The following XDH variants were observed in gnomAD, a reference collection of about 807,000 sequenced individuals.
The protein encoded by XDH is xanthine dehydrogenase.
Under a neutral mutation model 156.1 loss-of-function variants are expected in XDH, and 138 were observed. The observed-to-expected ratio is 0.88, with a 90% CI of 0.77 to 1.02. The LOEUF (loss-of-function observed/expected upper bound fraction) is 1.02. Ranked by LOEUF, XDH falls within the 50% of genes least tolerant of loss-of-function variation. XDH has a pLI of 0.00. For missense variants in XDH, 1,849 were observed against 1,684.9 expected (o/e 1.10, Z -1.71); for synonymous variants, 669 against 625.7 (o/e 1.07, Z -1.03).
In XDH at chr2:31,386,573, C is replaced by G; in HGVS notation, c.652-18G>C. The G allele has an allele frequency of 6.2e-7, 1 of 1,614,086 alleles. No homozygotes were observed. The highest frequency in any genetic ancestry group is 8.5e-7 in the Non-Finnish European group (1 of 1,180,018). On this transcript the variant is annotated intron_variant, in intron 8 of 35. Coordinates refer to ENST00000379416, the MANE Select transcript of XDH (RefSeq NM_000379.4). ...TTCAGCCTCTGGGAAATGCAGTTTT[C>G]TTACTACACTGTCTCCCTCTTCCTA...
At position 31,381,624 on chromosome 2, in the gene XDH, G is replaced by T; in HGVS notation, c.1132+9C>A. 1.2e-6 allele frequency: 2 copies of T among 1,613,904 alleles called. No individual in the cohort carries two copies. Among genetic ancestry groups the T allele is most frequent in the South Asian group, 2.2e-5 (2 of 91,006 alleles). On this transcript the variant is annotated intron_variant, in intron 12 of 35. Transcript: ENST00000379416. ...CCTTCTTCCTGGACCTCTGCTTCAG[G>T]CAGCTCACCTCTGGACACAAGTGTC...
chr2:31,370,464 G>C lies in XDH; in HGVS notation c.1871C>G (p.Ser624Ter). 2 of 1,614,134 alleles carry C rather than the reference G, an allele frequency of 1.2e-6. No homozygotes were observed. Among genetic ancestry groups the C allele is most frequent in the Non-Finnish European group, 1.7e-6 (2 of 1,180,006 alleles). ...AHAKIKSIDT[S>*]EAKKVPGFVC... ...AAACCCTGGAACCTTCTTAGCTTCTGATGTATCTATGGACCTGCAAGAATG... is the reference window on the plus strand; with the variant it reads ...AAACCCTGGAACCTTCTTAGCTTCTCATGTATCTATGGACCTGCAAGAATG... The change falls in exon 18 of 36, where the codon TCA becomes TGA. Residue 624 changes from serine (S) to a stop codon, truncating the protein, a stop_gained. Transcript: ENST00000379416. LOFTEE classifies it high-confidence loss of function.
At chr2:31,375,023 C>CTTTCT (rs765524563) in intron 15 of XDH, among the ~76,000 whole-genome samples, 42 of 92,340 alleles carry the variant, frequency 4.5e-4, no homozygotes, top group South Asian at 1.1e-3. Context: ...TTCTTTCTTT[C>CTTTCT]TTTTTTTTTT....
At chr2:31,367,071 T>A in intron 20 of XDH, 77 bp from the exon 21 acceptor site, 1 of 1,611,394 alleles carries the variant, frequency 6.2e-7, no homozygotes. Context: ...GAGAGTATAC[T>A]CTGCCAAGTG....
chr2:31,384,431 G>C (rs904318779), intron 9 of XDH: 1 of 155,432 alleles, frequency 6.4e-6, no homozygotes, highest in Non-Finnish European at 1.4e-5. Flanking sequence ...AAGGAAAATG[G>C]GAGGGAAAAC....
chr2:31,391,497 C>T (rs530141937), intron 6 of XDH, among the ~76,000 whole-genome samples: 66 of 152,270 alleles, frequency 4.3e-4, no homozygotes, highest in African/African-American at 1.5e-3. Flanking sequence ...TCTTGTTCTT[C>T]TCCATATAAA....
intron 3 of XDH, 50 bp downstream of exon 3, chr2:31,402,998 T>C: frequency 3.1e-6 from 5 of 1,599,750 alleles, no homozygotes; most frequent in Non-Finnish European, 4.3e-6. Context: ...CACAAGCTGG[T>C]CCTGCATCGC....
chr2:31,404,509 G>C (rs933322919), intron 2 of XDH, among the ~76,000 whole-genome samples: 5 of 152,174 alleles, frequency 3.3e-5, no homozygotes, highest in African/African-American at 1.2e-4. Flanking sequence ...TTTCAGTTTT[G>C]CATTTCATTT....
chr2:31,409,724 C>A (rs775280037), intron 1 of XDH, among the ~76,000 whole-genome samples: 43 of 152,164 alleles, frequency 2.8e-4, no homozygotes, highest in Admixed American at 7.2e-4. Flanking sequence ...AACGAACAAA[C>A]AAATAAACAG....
intron 9 of XDH, among the ~76,000 whole-genome samples, chr2:31,385,224 A>T (rs749800951): frequency 6.6e-6 from 1 of 152,084 alleles, no homozygotes; most frequent in Non-Finnish European, 1.5e-5. Context: ...ACCTCCTAAG[A>T]TTCCCCCAGC....
chr2:31,388,458 G>A (rs1276000833), intron 6 of XDH, among the ~76,000 whole-genome samples, 163 bp from the exon 7 acceptor site: 1 of 152,198 alleles, frequency 6.6e-6, no homozygotes, highest in East Asian at 1.9e-4. Flanking sequence ...GGAGGCCTCC[G>A]CTACATTCCC....
At chr2:31,363,050 G>A (rs1013479601) in intron 24 of XDH, among the ~76,000 whole-genome samples, 62 of 152,200 alleles carry the variant, frequency 4.1e-4, no homozygotes, top group African/African-American at 1.4e-3. Flanking sequence ...AGTGGTTCAC[G>A]CCTGTAATCC....
intron 5 of XDH, 27 bp downstream of exon 5, chr2:31,398,546 T>A (rs1260572328): frequency 6.2e-7 from 1 of 1,613,356 alleles, no homozygotes; most frequent in Admixed American, 1.7e-5. Flanking sequence ...CCATTCCACC[T>A]CCTAGGCTGT....
chr2:31,364,649 AAG>A (rs1685862119), intron 23 of XDH, among the ~76,000 whole-genome samples: 1 of 152,172 alleles, frequency 6.6e-6, no homozygotes, highest in Non-Finnish European at 1.5e-5. Context: ...AAGACACAAA[AAG>A]TTTCATTTCA....
At chr2:31,388,396 G>T in intron 6 of XDH, 101 bp from the exon 7 acceptor site, 2 of 1,304,920 alleles carry the variant, frequency 1.5e-6, no homozygotes, top group Non-Finnish European at 2.2e-6. Context: ...CAGCTCTGAC[G>T]CCTGTCCCAG....
intron 1 of XDH, 110 bp downstream of exon 1, chr2:31,414,515 A>G: frequency 6.8e-7 from 1 of 1,479,698 alleles, no homozygotes; most frequent in Non-Finnish European, 9.5e-7. Context: ...GAAAGACAGA[A>G]CAAGTAAGAG....
At position 31,341,304 on chromosome 2, in the gene XDH, C is replaced by T. The variant is rs528529273; in HGVS notation, c.3585+25G>A. ...GGTGCATCGGTGGCCAAGTCTGTCA[C>T]CACCCTGGTCCCACTGAGCCTCACC... On this transcript the variant is annotated intron_variant, in intron 33 of 35. Transcript: ENST00000379416. 11 of 1,557,456 alleles carry T rather than the reference C, an allele frequency of 7.1e-6. No homozygotes were observed. In the South Asian group the frequency reaches 8.3e-5, roughly 12 times the overall value.
intron 12 of XDH, 125 bp downstream of exon 12, chr2:31,381,508 G>A: frequency 1.1e-6 from 1 of 949,242 alleles, no homozygotes; most frequent in Non-Finnish European, 1.7e-6. Context: ...TGCTTCCCTG[G>A]ATCCAAATCA....
Position 31,341,311 on chromosome 2 carries a change from G to A in XDH, c.3585+18C>T. ...CGGTGGCCAAGTCTGTCACCACCCTGGTCCCACTGAGCCTCACCTGTCCAA... is the reference window on the plus strand; with the variant it reads ...CGGTGGCCAAGTCTGTCACCACCCTAGTCCCACTGAGCCTCACCTGTCCAA... On this transcript the variant is annotated intron_variant, in intron 33 of 35. Transcript: ENST00000379416. 1.3e-6 allele frequency: 2 copies of A among 1,560,746 alleles called. No homozygotes were observed. Among genetic ancestry groups the A allele is most frequent in the Non-Finnish European group, 1.7e-6 (2 of 1,150,546 alleles).
Sources: gnomAD v4.1 joint callset for allele counts (sites outside exome capture counted in the v4.1 genomes callset) on GRCh38, gnomAD v4.1.1 for gene constraint, MANE v1.5 for transcripts, NCBI Gene and HGNC (gene_info 2026-07-23, HGNC 2026-07-21) for gene names.